COLEC10: variants seen among roughly 807,000 people sequenced by gnomAD.
COLEC10 encodes the protein collectin-10.
A neutral mutation model predicts 28.4 loss-of-function variants in COLEC10; 22 were observed. That is an observed-to-expected ratio of 0.78 (90% CI 0.55 to 1.11). The LOEUF (loss-of-function observed/expected upper bound fraction) is 1.11. Ranked by LOEUF, COLEC10 falls within the 50% of genes least tolerant of loss-of-function variation. The pLI is 0.00. For synonymous variants in COLEC10, 125 were observed against 116.1 expected, an observed-to-expected ratio of 1.08 and a Z score of -0.49; for missense variants, 361 against 344.1, an observed-to-expected ratio of 1.05 and a Z score of -0.39.
At chr8:119,050,367 C>T (rs1211571721) in intron 2 of COLEC10, among the ~76,000 whole-genome samples, 1 of 152,124 alleles carries the variant, frequency 6.6e-6, no homozygotes, top group South Asian at 2.1e-4. Flanking sequence ...AAACCCACAG[C>T]TACCTATTGA....
At chr8:118,986,815 A>G in the COLEC10 span, among the ~76,000 whole-genome samples, 1 of 152,184 alleles carries the variant, frequency 6.6e-6, no homozygotes, top group Non-Finnish European at 1.5e-5. Flanking sequence ...GTATGATTCA[A>G]TGTACATGAA....
chr8:119,020,141 A>T (rs919774297), intron 2 of COLEC10, among the ~76,000 whole-genome samples: 10 of 152,070 alleles, frequency 6.6e-5, no homozygotes, highest in African/African-American at 2.4e-4. Context: ...CTGGCCTACC[A>T]AGTCCCTAGA....
At chr8:118,981,126 T>C in the COLEC10 span, among the ~76,000 whole-genome samples, 7,902 of 151,954 alleles carry the variant, frequency 0.052, 318 homozygotes, top group East Asian at 0.17. Context: ...TAGGGAGTGG[T>C]GGGGCCTGGC....
At chr8:119,062,766 C>T (rs1814881977), upstream of COLEC10, among the ~76,000 whole-genome samples, 2 of 152,152 alleles carry the variant, frequency 1.3e-5, no homozygotes, top group Admixed American at 1.3e-4. Flanking sequence ...AGATGAGAGC[C>T]ACTGTGCCTA....
chr8:119,059,034 A>G (rs1031790328), intron 2 of COLEC10, among the ~76,000 whole-genome samples: 1 of 151,974 alleles, frequency 6.6e-6, no homozygotes, highest in African/African-American at 2.4e-5. Flanking sequence ...TGCATTAGCT[A>G]TTTGCCTTCT....
chr8:118,994,506 C>G (rs1286316964), upstream of COLEC10, among the ~76,000 whole-genome samples: 1 of 152,252 alleles, frequency 6.6e-6, no homozygotes, highest in South Asian at 2.1e-4. Context: ...GAATGCTTCA[C>G]GTGTATGTTT....
At position 119,008,198 on chromosome 8, in the gene COLEC10, G is replaced by A. The variant is rs535208732; in HGVS notation, n.123-1243G>A. On this transcript the variant is annotated intron_variant and non_coding_transcript_variant, in intron 1 of 6. Transcript: ENST00000521788. The stretch of plus-strand genomic sequence containing the variant: ...TAATGCCATAATTTTTTCAAACTGA[G>A]AACTTTCTGTAAAGACATTTTTATG... 3.1e-3 allele frequency among the ~76,000 whole-genome samples: 471 copies of A among 150,864 alleles called. 6 individuals carry two copies. The highest frequency in any genetic ancestry group is 6.8e-3 in the Middle Eastern group (2 of 294).
chr8:119,030,317 G>A lies in COLEC10; in HGVS notation n.235+20764G>A, dbSNP rs544610713. 2.0e-4 allele frequency among the ~76,000 whole-genome samples: 31 copies of A among 152,178 alleles called. 2 individuals carry two copies. The South Asian group carries it at 6.2e-3, about 31-fold the overall frequency. On this transcript the variant is annotated intron_variant and non_coding_transcript_variant, in intron 2 of 6. Transcript: ENST00000521788. The stretch of plus-strand genomic sequence containing the variant: ...GTATATCACTAATATTTCAATATTT[G>A]TAATATAACAAATGTTTTTAAATTA...
intron 2 of COLEC10, among the ~76,000 whole-genome samples, chr8:119,048,312 A>G (rs1814618691): frequency 6.6e-6 from 1 of 152,226 alleles, no homozygotes; most frequent in Non-Finnish European, 1.5e-5. Flanking sequence ...GTTGCCGCAC[A>G]GGACATAATT....
intron 2 of COLEC10, among the ~76,000 whole-genome samples, chr8:119,043,626 A>G (rs1239541408): frequency 6.6e-6 from 1 of 152,230 alleles, no homozygotes; most frequent in Non-Finnish European, 1.5e-5. Context: ...AACATCACCA[A>G]CAGTACATTC....
intron 2 of COLEC10, among the ~76,000 whole-genome samples, chr8:119,037,304 C>T (rs572203361): frequency 2.3e-4 from 35 of 152,276 alleles, no homozygotes; most frequent in South Asian, 1.5e-3. Flanking sequence ...CACACTTTTA[C>T]GGAACACAGA....
At chr8:119,067,140 A>G, upstream of COLEC10, 1 of 737,058 alleles carries the variant, frequency 1.4e-6, no homozygotes, top group Non-Finnish European at 2.2e-6. Flanking sequence ...AACCTAGGGT[A>G]TGCTTCCTTC....
intron 2 of COLEC10, among the ~76,000 whole-genome samples, chr8:119,022,675 G>T (rs951749423): frequency 6.6e-6 from 1 of 151,940 alleles, no homozygotes; most frequent in Non-Finnish European, 1.5e-5. Flanking sequence ...CTCTCACCTG[G>T]ATTGTTGCAG....
the COLEC10 span, among the ~76,000 whole-genome samples, chr8:118,977,663 G>A: frequency 2.7e-5 from 4 of 148,770 alleles, no homozygotes; most frequent in East Asian, 2.1e-4. Context: ...TGACGAGTTA[G>A]TGGGTGCAGC....
chr8:119,073,018 C>G (rs1174287319), intron 1 of COLEC10, among the ~76,000 whole-genome samples: 1 of 152,208 alleles, frequency 6.6e-6, no homozygotes, highest in African/African-American at 2.4e-5. Context: ...AACGGATAGA[C>G]AGATATGCCC....
intron 2 of COLEC10, among the ~76,000 whole-genome samples, chr8:119,019,410 A>G (rs928809407): frequency 1.6e-4 from 24 of 152,174 alleles, no homozygotes; most frequent in African/African-American, 5.6e-4. Context: ...GAAGCCAAAC[A>G]TTTTGAAGAT....
intron 1 of COLEC10, among the ~76,000 whole-genome samples, chr8:119,007,268 T>C (rs1813820974): frequency 1.3e-5 from 2 of 152,174 alleles, no homozygotes; most frequent in African/African-American, 4.8e-5. Context: ...AATTCCTCTA[T>C]GTTCTACTGG....
At chr8:119,102,285 C>T in intron 3 of COLEC10, 63 bp from the exon 4 acceptor site, 2 of 858,670 alleles carry the variant, frequency 2.3e-6, no homozygotes. Context: ...TCCTTCCTTC[C>T]TTTTTTCCTT....
chr8:119,100,449 T>G (rs1388078028), intron 3 of COLEC10, among the ~76,000 whole-genome samples: 1 of 152,186 alleles, frequency 6.6e-6, no homozygotes, highest in African/African-American at 2.4e-5. Flanking sequence ...TCAAAATCTA[T>G]TCTTATTTTT....
Sources: allele counts gnomAD v4.1 joint callset (sites outside exome capture counted in the v4.1 genomes callset), GRCh38; gene constraint gnomAD v4.1.1; transcripts MANE v1.5; gene names NCBI Gene and HGNC (gene_info 2026-07-23, HGNC 2026-07-21).